The following SEC24B variants were observed in gnomAD, a reference collection of about 807,000 sequenced individuals.
SEC24B encodes the protein protein transport protein Sec24B.
In SEC24B, 45 loss-of-function variants were observed where a neutral mutation model predicts 142.8. That is an observed-to-expected ratio of 0.32 (90% CI 0.25 to 0.40). The LOEUF (loss-of-function observed/expected upper bound fraction) is 0.40. Ranked by LOEUF, SEC24B falls within the 10% of genes least tolerant of loss-of-function variation. The pLI, the probability that SEC24B is intolerant of heterozygous loss-of-function variation, is 1.00. For synonymous variants in SEC24B, 574 were observed against 568.2 expected, an observed-to-expected ratio of 1.01 and a Z score of -0.15; for missense variants, 1,409 against 1,526.8, an observed-to-expected ratio of 0.92 and a Z score of 1.29.
chr4:109,449,396 C>CTTTTTTT, intron 1 of SEC24B: 3 of 301,190 alleles, frequency 1.0e-5, no homozygotes, highest in Non-Finnish European at 2.0e-5. Flanking sequence ...GCTAATTTTT[C>CTTTTTTT]TTTTTTTTTT....
intron 2 of SEC24B, among the ~76,000 whole-genome samples, chr4:109,467,601 A>G (rs1199734825): frequency 6.6e-6 from 1 of 152,188 alleles, no homozygotes; most frequent in Non-Finnish European, 1.5e-5. Flanking sequence ...CATTTTTGAC[A>G]GCAAGATGAG....
At chr4:109,506,295 G>T (rs1188229079) in intron 6 of SEC24B, 33 bp from the exon 7 acceptor site, 3 of 1,422,014 alleles carry the variant, frequency 2.1e-6, no homozygotes, top group Non-Finnish European at 2.8e-6. Flanking sequence ...ATGTTTTATT[G>T]TTCTTTTATT....
chr4:109,531,380 T>C lies in SEC24B; in HGVS notation c.3253-5T>C, dbSNP rs74399253. The C allele has an allele frequency of 0.042, 67,680 of 1,596,172 alleles. 1,540 individuals are homozygous for C. The highest frequency in any genetic ancestry group is 0.072 in the African/African-American group (5,329 of 74,470). On this transcript the variant is annotated splice_polypyrimidine_tract_variant and splice_region_variant and intron_variant, in intron 19 of 23. Transcript: ENST00000265175. Reference sequence around the variant, plus strand: ...ACTTGAAAACGTTTATCTTTTTCCTTGTAGAAAGCATTTAGAACGGGTACA... The same window carrying C: ...ACTTGAAAACGTTTATCTTTTTCCTCGTAGAAAGCATTTAGAACGGGTACA...
At chr4:109,525,529 T>G (rs546155738) in intron 16 of SEC24B, 25 bp downstream of exon 16, 1 of 1,502,520 alleles carries the variant, frequency 6.7e-7, no homozygotes, top group East Asian at 2.3e-5. Flanking sequence ...AAGTTATATT[T>G]TATATTAAAT....
At position 109,539,544 on chromosome 4, in the gene SEC24B, C is replaced by A; in HGVS notation, c.3693-17C>A. 1 of 1,513,472 alleles carries A rather than the reference C, an allele frequency of 6.6e-7. No homozygotes were observed. Among genetic ancestry groups the A allele is most frequent in the South Asian group, 1.1e-5 (1 of 88,684 alleles). 93.8% of individuals were successfully genotyped at this position (1,513,472 alleles called of 1,614,324 possible). Reference sequence around the variant, plus strand: ...CTTTTAAATACGTTTAGACAAATGCCCTTTTCTTTCTTCCAGAGATGAGAG... The same window carrying A: ...CTTTTAAATACGTTTAGACAAATGCACTTTTCTTTCTTCCAGAGATGAGAG... On this transcript the variant is annotated splice_polypyrimidine_tract_variant and intron_variant, in intron 23 of 23. Transcript: ENST00000265175.
intron 3 of SEC24B, among the ~76,000 whole-genome samples, chr4:109,479,627 G>T (rs547524182): frequency 6.6e-6 from 1 of 152,132 alleles, no homozygotes; most frequent in Non-Finnish European, 1.5e-5. Context: ...CAGAGATGGG[G>T]TCTCACTATG....
intron 23 of SEC24B, 55 bp from the exon 24 acceptor site, chr4:109,539,506 G>T: frequency 9.9e-7 from 1 of 1,011,164 alleles, no homozygotes; most frequent in Non-Finnish European, 1.6e-6. Flanking sequence ...ATTGCAAAGT[G>T]GTGAAATCAG....
intron 1 of SEC24B, among the ~76,000 whole-genome samples, chr4:109,437,059 A>T (rs755792571): frequency 2.6e-5 from 4 of 152,220 alleles, no homozygotes; most frequent in African/African-American, 9.6e-5. Flanking sequence ...GCAACCTGCT[A>T]CTTGTGATAC....
At chr4:109,516,924 G>T (rs1722994174) in intron 11 of SEC24B, among the ~76,000 whole-genome samples, 3 of 152,158 alleles carry the variant, frequency 2.0e-5, no homozygotes, top group Admixed American at 6.6e-5. Flanking sequence ...GAAATGTTGA[G>T]TTAGCCAGTA....
At chr4:109,435,488 C>A (rs1728325187) in intron 1 of SEC24B, among the ~76,000 whole-genome samples, 1 of 152,160 alleles carries the variant, frequency 6.6e-6, no homozygotes, top group Non-Finnish European at 1.5e-5. Flanking sequence ...ACCAGTGATT[C>A]AAGGATTGTG....
At chr4:109,488,289 C>T (rs766190390) in intron 4 of SEC24B, among the ~76,000 whole-genome samples, 5 of 152,092 alleles carry the variant, frequency 3.3e-5, no homozygotes, top group African/African-American at 4.8e-5. Flanking sequence ...CACAACCACA[C>T]GCAGCTCTAG....
At chr4:109,481,472 C>T (rs1460613267) in intron 3 of SEC24B, among the ~76,000 whole-genome samples, 3 of 152,188 alleles carry the variant, frequency 2.0e-5, no homozygotes, top group African/African-American at 4.8e-5. Flanking sequence ...TAAGCCAGTC[C>T]ATATTAAAGC....
chr4:109,531,580 C>G (rs993786392), intron 20 of SEC24B, 58 bp downstream of exon 20: 8 of 1,315,568 alleles, frequency 6.1e-6, no homozygotes, highest in Non-Finnish European at 8.7e-6. Context: ...GTGTCTTGTT[C>G]TACAGCTAAG....
chr4:109,509,794 T>C (rs1240199191), intron 7 of SEC24B, among the ~76,000 whole-genome samples: 1 of 152,138 alleles, frequency 6.6e-6, no homozygotes, highest in Non-Finnish European at 1.5e-5. Context: ...GAATGTGTAC[T>C]ATTTTTCCAC....
chr4:109,466,105 G>C (rs1398665869), intron 2 of SEC24B, among the ~76,000 whole-genome samples: 1 of 152,084 alleles, frequency 6.6e-6, no homozygotes, highest in Non-Finnish European at 1.5e-5. Flanking sequence ...TATTGCCAAA[G>C]TTCCCAAACT....
intron 14 of SEC24B, 68 bp downstream of exon 14, chr4:109,521,694 T>TGA: frequency 8.5e-7 from 1 of 1,176,296 alleles, no homozygotes; most frequent in Non-Finnish European, 1.2e-6. Flanking sequence ...ATTTCATTAA[T>TGA]AATAAAATAC....
intron 8 of SEC24B, 71 bp from the exon 9 acceptor site, chr4:109,511,886 C>G: frequency 6.9e-7 from 1 of 1,445,608 alleles, no homozygotes; most frequent in Non-Finnish European, 9.5e-7. Flanking sequence ...GTATTTGGAG[C>G]AGATCTGTGT....
chr4:109,469,251 A>C (rs1732274989), intron 2 of SEC24B, among the ~76,000 whole-genome samples: 1 of 152,208 alleles, frequency 6.6e-6, no homozygotes, highest in Admixed American at 6.5e-5. Flanking sequence ...GTTTTGTCAA[A>C]TTCCCTTTGT....
At chr4:109,441,581 G>A (rs2125893218) in intron 1 of SEC24B, among the ~76,000 whole-genome samples, 1 of 152,226 alleles carries the variant, frequency 6.6e-6, no homozygotes, top group South Asian at 2.1e-4. Flanking sequence ...ACAGGGGCAT[G>A]CCACTATGCC....
Sources: gnomAD v4.1 joint callset for allele counts (sites outside exome capture counted in the v4.1 genomes callset) on GRCh38, gnomAD v4.1.1 for gene constraint, MANE v1.5 for transcripts, NCBI Gene and HGNC (gene_info 2026-07-23, HGNC 2026-07-21) for gene names.